Variants in HTR7 observed in about 807,000 individuals in gnomAD.
The protein encoded by HTR7 is 5-hydroxytryptamine receptor 7, also known as 5-HT-7.
In HTR7, 16 loss-of-function variants were observed where a neutral mutation model predicts 34.0. That is an observed-to-expected ratio of 0.47 (90% CI 0.32 to 0.71). The LOEUF (loss-of-function observed/expected upper bound fraction) is 0.71, where lower values mean the gene tolerates loss of function less well. Among genes scored for constraint, HTR7 ranks in the 30% least tolerant of loss-of-function variants. The pLI is 0.04. For synonymous variants in HTR7, 265 were observed against 260.2 expected, an observed-to-expected ratio of 1.02 and a Z score of -0.18; for missense variants, 504 against 625.5, an observed-to-expected ratio of 0.81 and a Z score of 2.07.
At chr10:90,830,796 A>C (rs1392597412) in intron 1 of HTR7, among the ~76,000 whole-genome samples, 1 of 151,790 alleles carries the variant, frequency 6.6e-6, no homozygotes, top group Non-Finnish European at 1.5e-5. Flanking sequence ...TCAGAAAAAA[A>C]AAAAAAAAAA....
chr10:90,771,797 G>A (rs941881149), intron 1 of HTR7, among the ~76,000 whole-genome samples: 11 of 152,276 alleles, frequency 7.2e-5, no homozygotes, highest in South Asian at 2.1e-4. Context: ...CTGCCAGGCC[G>A]AGTGGGCAGA....
At chr10:90,799,364 TG>T (rs1564686171) in intron 1 of HTR7, among the ~76,000 whole-genome samples, 1 of 152,006 alleles carries the variant, frequency 6.6e-6, no homozygotes, top group African/African-American at 2.4e-5. Context: ...AATGAATGAA[TG>T]AATGAATGAA....
chr10:90,791,533 T>C (rs942718862), intron 1 of HTR7, among the ~76,000 whole-genome samples: 1 of 152,022 alleles, frequency 6.6e-6, no homozygotes, highest in African/African-American at 2.4e-5. Context: ...GCCCCAGGTG[T>C]ATGTAAGCAT....
intron 1 of HTR7, among the ~76,000 whole-genome samples, chr10:90,834,107 T>C (rs186198811): frequency 2.4e-4 from 37 of 152,334 alleles, no homozygotes; most frequent in African/African-American, 5.5e-4. Context: ...TCAGGTTTTA[T>C]ATACCCAGCT....
intron 1 of HTR7, among the ~76,000 whole-genome samples, chr10:90,807,810 C>T (rs1187980527): frequency 3.6e-5 from 4 of 112,634 alleles, no homozygotes; most frequent in Non-Finnish European, 9.0e-5. Flanking sequence ...TTCTTTGCTC[C>T]GTGAAAAAGA....
chr10:90,748,381 G>A (rs1467868741), intron 2 of HTR7, among the ~76,000 whole-genome samples: 1 of 152,100 alleles, frequency 6.6e-6, no homozygotes, highest in Non-Finnish European at 1.5e-5. Context: ...CCTCCTTTCA[G>A]CCCAGGTGAA....
rs1332340616 is a variant in HTR7, at chr10:90,857,938, G to A, written c.-267C>T. Among the ~76,000 whole-genome samples the A allele has an allele frequency of 6.6e-6, 1 of 151,320 alleles. No homozygotes were observed. Among genetic ancestry groups the A allele is most frequent in the Non-Finnish European group, 1.5e-5 (1 of 67,744 alleles). On this transcript the variant is annotated 5_prime_UTR_variant, in exon 1 of 4. Transcript: ENST00000336152. This position sits in a 1 kb window ranked among gnomAD's most constrained non-coding sequence, Gnocchi z 6.5. ...ACGGACGCCTGGGACGCGCGGAGTC[G>A]AGGGAGCTCGGGCTGGGCTCCGCTG... is the stretch of plus-strand genomic sequence containing the variant.
At chr10:90,833,936 C>A (rs955936499) in intron 1 of HTR7, among the ~76,000 whole-genome samples, 8 of 152,174 alleles carry the variant, frequency 5.3e-5, no homozygotes, top group African/African-American at 1.7e-4. Flanking sequence ...TTTATTTTGG[C>A]TGGTGTCTTT....
chr10:90,775,963 A>G (rs1029279218), intron 1 of HTR7, among the ~76,000 whole-genome samples: 11 of 152,360 alleles, frequency 7.2e-5, no homozygotes, highest in African/African-American at 2.6e-4. Context: ...TTTTAATAAT[A>G]TATTTTTTCA....
intron 1 of HTR7, among the ~76,000 whole-genome samples, chr10:90,768,702 A>G (rs1296582808): frequency 2.0e-5 from 3 of 152,226 alleles, no homozygotes; most frequent in Non-Finnish European, 4.4e-5. Context: ...GCCATCATTC[A>G]TTTATCCAGT....
chr10:90,764,553 G>A (rs1347341884), intron 1 of HTR7, among the ~76,000 whole-genome samples: 1 of 151,776 alleles, frequency 6.6e-6, no homozygotes, highest in Non-Finnish European at 1.5e-5. Context: ...TTTTGGTACA[G>A]TTTTTTTTCA....
intron 1 of HTR7, among the ~76,000 whole-genome samples, chr10:90,849,557 C>T (rs1277090571): frequency 2.0e-5 from 3 of 152,132 alleles, no homozygotes; most frequent in Non-Finnish European, 4.4e-5. Flanking sequence ...GCGAACAAGA[C>T]AGAATGCAGT....
chr10:90,773,960 AT>A (rs1002844162), intron 1 of HTR7, among the ~76,000 whole-genome samples: 12 of 151,380 alleles, frequency 7.9e-5, no homozygotes, highest in East Asian at 3.9e-4. Flanking sequence ...AAATAAGGCT[AT>A]TTTTTTTTCC....
Position 90,743,764 on chromosome 10 carries a change from T to C in HTR7, c.1296-74A>G, listed in dbSNP as rs982933607. On this transcript the variant is annotated intron_variant, in intron 2 of 3. Coordinates refer to ENST00000336152, the MANE Select transcript of HTR7 (RefSeq NM_019859.4). Reference sequence around the variant, plus strand: ...AAAAGAAAAAAAGAATCCTTGATTATATTTCATTATCATATTTGGTTTTAT... The same window carrying C: ...AAAAGAAAAAAAGAATCCTTGATTACATTTCATTATCATATTTGGTTTTAT... 1.2e-5 allele frequency: 14 copies of C among 1,135,214 alleles called. No individual in the cohort carries two copies. The African/African-American group carries it at 2.0e-4, about 16-fold the overall frequency. The allele number at this position is 1,135,214 out of a possible 1,614,324, so 70.3% of individuals were successfully genotyped here. A position where few individuals can be genotyped will look rare whatever the true frequency, so the allele number is the denominator to read the frequency against.
intron 1 of HTR7, among the ~76,000 whole-genome samples, chr10:90,756,786 T>C (rs545953335): frequency 1.3e-5 from 2 of 152,166 alleles, no homozygotes; most frequent in East Asian, 3.9e-4. Context: ...TGTTGCTACA[T>C]AACTAATTAC....
chr10:90,751,640 G>T (rs926737588), intron 1 of HTR7, among the ~76,000 whole-genome samples: 7 of 152,136 alleles, frequency 4.6e-5, no homozygotes, highest in Admixed American at 1.3e-4. Flanking sequence ...GGGAAGGGGG[G>T]TGTTTCAATA....
chr10:90,789,308 A>G (rs1845430460), intron 1 of HTR7, among the ~76,000 whole-genome samples: 1 of 152,134 alleles, frequency 6.6e-6, no homozygotes, highest in Admixed American at 6.5e-5. Context: ...TTTTGCCTAC[A>G]TGGTCTTCAC....
At chr10:90,854,704 G>A (rs1221337673) in intron 1 of HTR7, among the ~76,000 whole-genome samples, 1 of 152,250 alleles carries the variant, frequency 6.6e-6, no homozygotes, top group East Asian at 1.9e-4. Flanking sequence ...AAAGCATCCC[G>A]GTGTGATGGG....
At chr10:90,851,148 G>A (rs915315181) in intron 1 of HTR7, among the ~76,000 whole-genome samples, 1 of 151,986 alleles carries the variant, frequency 6.6e-6, no homozygotes, top group Non-Finnish European at 1.5e-5. Flanking sequence ...TAAAAGTCAG[G>A]GTAAAAAAGA....
Sources: allele counts gnomAD v4.1 joint callset (sites outside exome capture counted in the v4.1 genomes callset), GRCh38; gene constraint gnomAD v4.1.1; non-coding constraint Gnocchi (gnomAD v3.1); transcripts MANE v1.5; gene names NCBI Gene and HGNC (gene_info 2026-07-23, HGNC 2026-07-21).